The following ROCK2 variants were observed in gnomAD, a reference collection of about 807,000 sequenced individuals.
The protein encoded by ROCK2 is rho-associated protein kinase 2.
ROCK2 carries 61 observed loss-of-function variants against 195.1 expected under a neutral mutation model. The observed-to-expected ratio is 0.31, with a 90% CI of 0.25 to 0.39. The LOEUF is 0.39. ROCK2 is among the 10% of genes least tolerant of loss of function. The probability of loss-of-function intolerance (pLI) is 1.00; values close to 1 mark genes in which losing one functional copy is unlikely to be tolerated. For synonymous variants in ROCK2, 504 were observed against 545.5 expected, an observed-to-expected ratio of 0.92 and a Z score of 1.06; for missense variants, 1,109 against 1,637.4, an observed-to-expected ratio of 0.68 and a Z score of 5.57.
intron 1 of ROCK2, among the ~76,000 whole-genome samples, chr2:11,302,562 C>T (rs999389415): frequency 3.3e-5 from 5 of 152,246 alleles, no homozygotes; most frequent in South Asian, 2.1e-4. Context: ...CCACTATTTA[C>T]GACCCTTCTT....
intron 3 of ROCK2, among the ~76,000 whole-genome samples, chr2:11,267,398 T>C (rs1166112542): frequency 1.3e-5 from 2 of 151,924 alleles, no homozygotes; most frequent in East Asian, 3.9e-4. Flanking sequence ...CTATATATTT[T>C]CCCTATCTTT....
At chr2:11,189,075 A>G (rs571579522) in intron 32 of ROCK2, among the ~76,000 whole-genome samples, 1 of 152,172 alleles carries the variant, frequency 6.6e-6, no homozygotes, top group East Asian at 1.9e-4. Flanking sequence ...AGATGTAATG[A>G]TGTAATGGCA....
At chr2:11,214,131 A>C (rs1664342062) in intron 17 of ROCK2, among the ~76,000 whole-genome samples, 2 of 152,150 alleles carry the variant, frequency 1.3e-5, no homozygotes, top group African/African-American at 4.8e-5. Context: ...ACACTCCAGG[A>C]TGGGTCCCCT....
At chr2:11,270,265 T>C (rs915796197) in intron 3 of ROCK2, among the ~76,000 whole-genome samples, 2 of 152,194 alleles carry the variant, frequency 1.3e-5, no homozygotes, top group African/African-American at 4.8e-5. Flanking sequence ...TGTTAGGCTT[T>C]TTCTTCTCTT....
intron 9 of ROCK2, among the ~76,000 whole-genome samples, chr2:11,220,429 G>A (rs1471054064): frequency 1.3e-5 from 2 of 152,130 alleles, no homozygotes; most frequent in Non-Finnish European, 2.9e-5. Flanking sequence ...GATTACATGT[G>A]TGAATCACCA....
At chr2:11,296,007 A>AGAGAGAGAGAGAGGG (rs1667518126) in intron 1 of ROCK2, among the ~76,000 whole-genome samples, 1 of 25,344 alleles carries the variant, frequency 3.9e-5, no homozygotes, top group Admixed American at 5.2e-4. Flanking sequence ...GAGAGAGAGG[A>AGAGAGAGAGAGAGGG]GAGAGAGAGA....
At chr2:11,254,699 G>C (rs1665956689) in intron 3 of ROCK2, among the ~76,000 whole-genome samples, 1 of 111,134 alleles carries the variant, frequency 9.0e-6, no homozygotes, top group African/African-American at 3.5e-5. Flanking sequence ...GTTTGAGACA[G>C]CCTAGGCAAC....
chr2:11,271,181 T>C (rs1054736382), intron 3 of ROCK2, among the ~76,000 whole-genome samples: 1 of 152,030 alleles, frequency 6.6e-6, no homozygotes, highest in Non-Finnish European at 1.5e-5. Context: ...GGGCAGGCCT[T>C]GTTAAGAAGC....
chr2:11,270,306 T>C (rs1666581720), intron 3 of ROCK2, among the ~76,000 whole-genome samples: 1 of 152,178 alleles, frequency 6.6e-6, no homozygotes, highest in African/African-American at 2.4e-5. Context: ...TGCTTGGTTT[T>C]CTATAGTTTG....
chr2:11,327,465 T>A (rs948603938), intron 1 of ROCK2, among the ~76,000 whole-genome samples: 1 of 152,208 alleles, frequency 6.6e-6, no homozygotes, highest in African/African-American at 2.4e-5. Context: ...TCCTGGGCCC[T>A]CTGTTCACAT....
intron 27 of ROCK2, among the ~76,000 whole-genome samples, chr2:11,196,197 ACT>A (rs1663629857): frequency 6.6e-6 from 1 of 152,102 alleles, no homozygotes; most frequent in African/African-American, 2.4e-5. Flanking sequence ...GAATGACGGA[ACT>A]CTCTGCTGTT....
At position 11,192,940 on chromosome 2, in the gene ROCK2, G is replaced by A. The variant is rs550399767; in HGVS notation, c.3688-228C>T. Among the ~76,000 whole-genome samples, 1 of 152,290 alleles carries A rather than the reference G, an allele frequency of 6.6e-6. No individual in the cohort carries two copies. Among genetic ancestry groups the A allele is most frequent in the South Asian group, 2.1e-4 (1 of 4,828 alleles). On this transcript the variant is annotated intron_variant, in intron 30 of 32. Coordinates refer to ENST00000315872, the MANE Select transcript of ROCK2 (RefSeq NM_004850.5). The surrounding 1 kb of genome is among the most constrained non-coding windows in gnomAD (Gnocchi z 5.0). ...TTTGCATTTCAAAAGAACTGATCCT[G>A]TTCAAATGCTGCCTCCTTATTTTCT...
chr2:11,283,356 C>T (rs1180409824), intron 3 of ROCK2, among the ~76,000 whole-genome samples: 2 of 149,592 alleles, frequency 1.3e-5, no homozygotes, highest in Non-Finnish European at 3.0e-5. Context: ...GTCAGGAGAT[C>T]GAGACCATCC....
At chr2:11,321,582 A>T (rs1668400322) in intron 1 of ROCK2, among the ~76,000 whole-genome samples, 2 of 151,928 alleles carry the variant, frequency 1.3e-5, no homozygotes, top group African/African-American at 4.8e-5. Context: ...ACAGTGGAGC[A>T]ATGTTTTAAA....
chr2:11,202,075 G>C lies in ROCK2; in HGVS notation c.2596C>G (p.Leu866Val), dbSNP rs1404966994. 1.4e-5 allele frequency: 23 copies of C among 1,613,770 alleles called. No homozygotes were observed. The highest frequency in any genetic ancestry group is 1.9e-5 in the Non-Finnish European group (23 of 1,179,800). The change falls in exon 21 of 33, where the codon CTC becomes GTC. Residue 866 changes from leucine (L) to valine (V), a missense_variant. Leu to Val is a conservative substitution (Grantham distance 32). Around this residue, in one of 6 missense-constraint regions of ROCK2, gnomAD observed 542 missense variants for 672.0 expected, o/e 0.81. Coordinates refer to ENST00000315872, the MANE Select transcript of ROCK2 (RefSeq NM_004850.5). ...DGQMKELQDQ[L>V]EAEQYFSTLY... Reference sequence around the variant, plus strand: ...ACTGAGAAATACTGTTCTGCTTCGAGCTGATCCTGGAGCTCTTTCATTTGC... The same window carrying C: ...ACTGAGAAATACTGTTCTGCTTCGACCTGATCCTGGAGCTCTTTCATTTGC...
chr2:11,226,437 TATA>T (rs1420937706), intron 6 of ROCK2, among the ~76,000 whole-genome samples: 1 of 152,230 alleles, frequency 6.6e-6, no homozygotes, highest in Non-Finnish European at 1.5e-5. Flanking sequence ...ACACTGTATT[TATA>T]ATTTATTTCA....
At chr2:11,342,094 G>A (rs1456766757) in intron 1 of ROCK2, among the ~76,000 whole-genome samples, 2 of 152,114 alleles carry the variant, frequency 1.3e-5, no homozygotes, top group African/African-American at 4.8e-5. Flanking sequence ...TTTAAATTTC[G>A]TTTATCAATT....
intron 32 of ROCK2, among the ~76,000 whole-genome samples, chr2:11,188,079 A>G (rs1427631788): frequency 6.7e-6 from 1 of 148,450 alleles, no homozygotes; most frequent in African/African-American, 2.5e-5. Context: ...AAAGAGAAAT[A>G]CCCTCTAGCC....
intron 4 of ROCK2, among the ~76,000 whole-genome samples, chr2:11,248,660 G>T (rs1274144535): frequency 8.7e-6 from 1 of 115,504 alleles, no homozygotes; most frequent in African/African-American, 3.4e-5. Flanking sequence ...AATGAACAGA[G>T]ATTCCAACAC....
Sources: gnomAD v4.1 joint callset for allele counts (sites outside exome capture counted in the v4.1 genomes callset) on GRCh38, gnomAD v4.1.1 for gene constraint, gnomAD v4.1.1 regional missense constraint, Gnocchi (gnomAD v3.1) non-coding constraint, MANE v1.5 for transcripts, NCBI Gene and HGNC (gene_info 2026-07-23, HGNC 2026-07-21) for gene names.